GSE1: variants seen among roughly 807,000 people sequenced by gnomAD.
The protein encoded by GSE1 is Gse1 coiled-coil protein, also known as genetic suppressor element 1.
GSE1 carries 32 observed loss-of-function variants against 112.6 expected under a neutral mutation model. The ratio of observed to expected loss-of-function variants is 0.28; its 90% CI spans 0.21 to 0.38. GSE1 has a LOEUF of 0.38. Ranked by LOEUF, GSE1 falls within the 10% of genes least tolerant of loss-of-function variation. The pLI, the probability that GSE1 is intolerant of heterozygous loss-of-function variation, is 1.00. For synonymous variants in GSE1, 1,115 were observed against 735.6 expected (o/e 1.52, Z -8.35); for missense variants, 2,348 against 1,699.2 (o/e 1.38, Z -6.71).
chr16:85,635,737 GC>G (rs2049941632), intron 2 of GSE1, among the ~76,000 whole-genome samples: 1 of 152,212 alleles, frequency 6.6e-6, no homozygotes, highest in African/African-American at 2.4e-5. Context: ...TGCTACCTGG[GC>G]TGGGTTATCC....
At position 85,496,089 on chromosome 16, in the gene GSE1, T is replaced by C. The variant is rs533467116; in HGVS notation, c.2465-137825T>C. On this transcript the variant is annotated intron_variant, in intron 2 of 2. Transcript: ENST00000637419. ...GGGTGCAGAATCCATCCGAGCACTC[T>C]GTATGGGGGCACAGCTCGGAGCAGG... Among the ~76,000 whole-genome samples the C allele has an allele frequency of 1.6e-4, 24 of 152,266 alleles. No individual in the cohort carries two copies. The East Asian group carries it at 4.7e-3, about 30-fold the overall frequency.
chr16:85,224,301 C>CAAAAAAAAAAAA lies in GSE1; in HGVS notation c.2283+52513_2283+52524dup, dbSNP rs55755242. Among the ~76,000 whole-genome samples, 35 of 38,806 alleles carry CAAAAAAAAAAAA rather than the reference C, an allele frequency of 9.0e-4. 2 individuals are homozygous for CAAAAAAAAAAAA. Among genetic ancestry groups the CAAAAAAAAAAAA allele is most frequent in the African/African-American group, 1.6e-3 (15 of 9,218 alleles). The allele number at this position is 38,806 out of a possible 152,430, so 25.5% of individuals were successfully genotyped here. A position where few individuals can be genotyped will look rare whatever the true frequency, so the allele number is the denominator to read the frequency against. ...TGAAACCCTATCTCTACTAAAAATACAAAAAAAAAAAAAAAAAAAAAAAAA... is the reference window on the plus strand; with the variant it reads ...TGAAACCCTATCTCTACTAAAAATACAAAAAAAAAAAAAAAAAAAAAAAAAAAAAAAAAAAAA... On this transcript the variant is annotated intron_variant, in intron 1 of 2. Transcript: ENST00000637419.
intron 1 of GSE1, among the ~76,000 whole-genome samples, chr16:85,203,984 C>G (rs1303284649): frequency 6.6e-6 from 1 of 152,176 alleles, no homozygotes; most frequent in Non-Finnish European, 1.5e-5. Flanking sequence ...TTGCTGGTCT[C>G]AAACTCCTGG....
intron 3 of GSE1, among the ~76,000 whole-genome samples, chr16:85,652,058 G>A (rs1345351767): frequency 6.6e-6 from 1 of 152,204 alleles, no homozygotes; most frequent in African/African-American, 2.4e-5. Context: ...GCTGGGGTAG[G>A]CAGGCCAGCC....
intron 3 of GSE1, among the ~76,000 whole-genome samples, chr16:85,653,916 A>C (rs541044228): frequency 2.1e-4 from 32 of 152,014 alleles, no homozygotes; most frequent in East Asian, 1.2e-3. Context: ...GTCTGGTGTG[A>C]CCTTCGGATG....
Position 85,613,365 on chromosome 16 carries a change from G to C in GSE1, c.-27G>C. 6.4e-7 allele frequency: 1 copy of C among 1,569,836 alleles called. No homozygotes were observed. Among genetic ancestry groups the C allele is most frequent in the Non-Finnish European group, 8.6e-7 (1 of 1,158,526 alleles). ...GCGACGGTGGCTCCAGCATGTATCAGCCGAGGTGGAGCTGCGGGGCCCTGG... is the reference window on the plus strand; with the variant it reads ...GCGACGGTGGCTCCAGCATGTATCACCCGAGGTGGAGCTGCGGGGCCCTGG... On this transcript the variant is annotated 5_prime_UTR_variant, in exon 1 of 16. Transcript: ENST00000253458.
intron 2 of GSE1, among the ~76,000 whole-genome samples, chr16:85,537,281 C>T (rs1285186108): frequency 6.6e-6 from 1 of 152,170 alleles, no homozygotes; most frequent in Non-Finnish European, 1.5e-5. Flanking sequence ...GAAGAGGAGC[C>T]GATCCTGATT....
chr16:85,285,791 C>G (rs1423238023), intron 1 of GSE1: 3 of 152,258 alleles, frequency 2.0e-5, no homozygotes, highest in African/African-American at 7.2e-5. Flanking sequence ...CATCTGTGAT[C>G]CCTGTCCACA....
At chr16:85,431,058 T>C (rs2049108881) in intron 2 of GSE1, among the ~76,000 whole-genome samples, 2 of 132,906 alleles carry the variant, frequency 1.5e-5, no homozygotes, top group Admixed American at 1.6e-4. Flanking sequence ...GCAGCTCAGG[T>C]TGAAAGCCAC....
chr16:85,404,311 C>T (rs1420562441), intron 2 of GSE1, among the ~76,000 whole-genome samples: 3 of 86,348 alleles, frequency 3.5e-5, no homozygotes, highest in East Asian at 6.7e-4. Context: ...CCCGGATAAT[C>T]CTCACTCTTA....
At chr16:85,456,626 G>GTGTGTGTGTT (rs2151814897) in intron 2 of GSE1, among the ~76,000 whole-genome samples, 2 of 149,046 alleles carry the variant, frequency 1.3e-5, no homozygotes, top group Middle Eastern at 3.4e-3. Context: ...GTGTGTGTGT[G>GTGTGTGTGTT]TGTGTGTGTG....
At chr16:85,195,854 C>CA (rs1355359860) in intron 1 of GSE1, among the ~76,000 whole-genome samples, 1 of 152,164 alleles carries the variant, frequency 6.6e-6, no homozygotes, top group Admixed American at 6.5e-5. Context: ...TAAAACAAAT[C>CA]AAAGCCAGCA....
chr16:85,241,207 G>A (rs542967153), intron 1 of GSE1, among the ~76,000 whole-genome samples: 9 of 151,870 alleles, frequency 5.9e-5, no homozygotes, highest in African/African-American at 1.2e-4. Flanking sequence ...CCTTGGGCTC[G>A]TTGCTTCTCC....
intron 1 of GSE1, among the ~76,000 whole-genome samples, chr16:85,566,738 GCTGGTC>G (rs1567596658): frequency 6.6e-6 from 1 of 152,138 alleles, no homozygotes; most frequent in Admixed American, 6.5e-5. Flanking sequence ...AGACCTCCTC[GCTGGTC>G]CTAACTTCTG....
exon 2 of GSE1, chr16:85,357,479 T>C: frequency 1.0e-5 from 13 of 1,239,754 alleles, no homozygotes; most frequent in Non-Finnish European, 1.3e-5. Context: ...TGTGGATCTC[T>C]GGAAGCATCT....
At chr16:85,427,857 T>G (rs978569049) in intron 2 of GSE1, among the ~76,000 whole-genome samples, 1 of 152,276 alleles carries the variant, frequency 6.6e-6, no homozygotes, top group East Asian at 1.9e-4. Context: ...AATAATATGT[T>G]TTAACAAACC....
At chr16:85,545,703 G>A (rs1022301833) in intron 2 of GSE1, among the ~76,000 whole-genome samples, 3 of 152,194 alleles carry the variant, frequency 2.0e-5, no homozygotes, top group African/African-American at 4.8e-5. Flanking sequence ...CACAGTATTC[G>A]GCAGAAAGTC....
chr16:85,586,615 C>G (rs1310394174), intron 1 of GSE1, among the ~76,000 whole-genome samples: 1 of 152,240 alleles, frequency 6.6e-6, no homozygotes, highest in South Asian at 2.1e-4. Flanking sequence ...CTACAACGTG[C>G]TCACGGGCCC....
chr16:85,519,340 C>T (rs112655492), intron 2 of GSE1, among the ~76,000 whole-genome samples: 378 of 129,186 alleles, frequency 2.9e-3, no homozygotes, highest in African/African-American at 8.1e-3. Flanking sequence ...TCACTTTTAC[C>T]ACCATCACTA....
Sources: allele counts gnomAD v4.1 joint callset (sites outside exome capture counted in the v4.1 genomes callset), GRCh38; gene constraint gnomAD v4.1.1; transcripts MANE v1.5; gene names NCBI Gene and HGNC (gene_info 2026-07-23, HGNC 2026-07-21).